ARHGAP29: variants seen among roughly 807,000 people sequenced by gnomAD.
ARHGAP29 encodes rho GTPase-activating protein 29.
ARHGAP29 carries 43 observed loss-of-function variants against 122.6 expected under a neutral mutation model. The ratio of observed to expected loss-of-function variants is 0.35; its 90% CI spans 0.27 to 0.45. The LOEUF (loss-of-function observed/expected upper bound fraction) is 0.45, where lower values mean the gene tolerates loss of function less well. ARHGAP29 is among the 20% of genes least tolerant of loss of function. ARHGAP29 has a pLI of 1.00. For missense variants in ARHGAP29, 1,303 were observed against 1,477.2 expected (o/e 0.88, Z 1.93); for synonymous variants, 506 against 497.1 (o/e 1.02, Z -0.24).
Position 94,220,140 on chromosome 1 carries a change from T to C in ARHGAP29, c.340+118A>G, listed in dbSNP as rs529257751. 8.0e-5 allele frequency: 92 copies of C among 1,148,522 alleles called. No homozygotes were observed. In the South Asian group the frequency reaches 1.1e-3, roughly 14 times the overall value. The allele number at this position is 1,148,522 out of a possible 1,614,324, so 71.1% of individuals were successfully genotyped here. ...ATATCAAAGTATATATAACTCCTTATTAACATACATCACACAAATGCAATG... is the reference window on the plus strand; with the variant it reads ...ATATCAAAGTATATATAACTCCTTACTAACATACATCACACAAATGCAATG... On this transcript the variant is annotated intron_variant, in intron 3 of 22. Transcript: ENST00000260526.
chr1:94,202,993 T>C lies in ARHGAP29; in HGVS notation c.879A>G (p.Leu293=). The part of the protein sequence containing the change: ...ALQANKFVQP[L]LGRKNEMEKQ... ...TTTCCATTTCATTTTTCCTTCCAAG[T>C]AGAGGCTGTGAAAGGTATTTAAAAT... The change falls in exon 10 of 23, where the codon CTA becomes CTG. Residue 293 remains leucine, a synonymous_variant. Coordinates refer to ENST00000260526, the MANE Select transcript of ARHGAP29 (RefSeq NM_004815.4). 2.5e-6 allele frequency: 4 copies of C among 1,608,522 alleles called. No homozygotes were observed. Among genetic ancestry groups the C allele is most frequent in the African/African-American group, 1.3e-5 (1 of 74,566 alleles).
At chr1:94,228,286 T>C (rs1178008758) in intron 2 of ARHGAP29, among the ~76,000 whole-genome samples, 1 of 151,832 alleles carries the variant, frequency 6.6e-6, no homozygotes, top group African/African-American at 2.4e-5. Context: ...TGTTTTCATA[T>C]AATTTGAAAA....
At chr1:94,245,641 C>A (rs1444766557) in intron 1 of ARHGAP29, among the ~76,000 whole-genome samples, 2 of 152,184 alleles carry the variant, frequency 1.3e-5, no homozygotes, top group African/African-American at 4.8e-5. Context: ...CATCCCTTTA[C>A]TTTCCCATAG....
At chr1:94,258,389 T>G (rs184653612) in intron 1 of ARHGAP29, among the ~76,000 whole-genome samples, 2 of 152,326 alleles carry the variant, frequency 1.3e-5, no homozygotes, top group Admixed American at 1.3e-4. Flanking sequence ...GACAATAAAT[T>G]CCAAATTTTT....
chr1:94,239,074 T>A (rs3814020), upstream of ARHGAP29, among the ~76,000 whole-genome samples: 88 of 152,080 alleles, frequency 5.8e-4, no homozygotes, highest in Non-Finnish European at 1.1e-3. Context: ...AACAAGGTCC[T>A]GCCACAAATA....
In ARHGAP29 at chr1:94,174,330, T is replaced by C; in HGVS notation, c.3325A>G (p.Thr1109Ala). 4 of 1,614,202 alleles carry C rather than the reference T, an allele frequency of 2.5e-6. No individual in the cohort carries two copies. In the South Asian group the frequency reaches 3.3e-5, roughly 13 times the overall value. Residue 1109 changes from threonine (T) to alanine (A), a missense_variant, in exon 23 of 23, where the codon ACA becomes GCA. This residue lies in a region of ARHGAP29 where 620 missense variants were observed against 651.2 expected (regional missense o/e 0.95). Transcript: ENST00000260526. ...PSALQEKGVT[T>A]SLQISGDHSI... The stretch of plus-strand genomic sequence containing the variant: ...TGGTCCCCACTAATCTGGAGGCTTG[T>C]TGTCACTCCTTTTTCCTGGAGTGCA...
the ARHGAP29 span, among the ~76,000 whole-genome samples, chr1:94,289,802 T>A: frequency 6.6e-6 from 1 of 152,256 alleles, no homozygotes; most frequent in African/African-American, 2.4e-5. Flanking sequence ...ATTTATTGAT[T>A]TGCCTATGTT....
chr1:94,286,007 C>G, the ARHGAP29 span, among the ~76,000 whole-genome samples: 2 of 151,958 alleles, frequency 1.3e-5, no homozygotes, highest in Non-Finnish European at 2.9e-5. Flanking sequence ...AAGTAATACA[C>G]TGTCTTAGTC....
At chr1:94,205,555 CA>C in intron 6 of ARHGAP29, 79 bp downstream of exon 6, 1 of 1,319,672 alleles carries the variant, frequency 7.6e-7, no homozygotes, top group Admixed American at 2.0e-5. Flanking sequence ...GGTTACTAAG[CA>C]AGAAGAGATT....
At chr1:94,190,211 C>A (rs2101436024) in intron 12 of ARHGAP29, 128 bp from the exon 13 acceptor site, 1 of 914,682 alleles carries the variant, frequency 1.1e-6, no homozygotes, top group Non-Finnish European at 1.6e-6. Context: ...GAATATCACT[C>A]TGAACATACT....
At position 94,170,495 on chromosome 1, in the gene ARHGAP29, AAC is replaced by A. The variant is rs1244339262; in HGVS notation, c.*3372_*3373del. The stretch of plus-strand genomic sequence containing the variant: ...ATGTGGTCCTGGATTGGGATGCTGA[AAC>A]ACAGGAACATTACTGAGGCAATCAA... On this transcript the variant is annotated 3_prime_UTR_variant, in exon 23 of 23. Transcript: ENST00000260526. Among the ~76,000 whole-genome samples the A allele has an allele frequency of 9.2e-5, 14 of 152,202 alleles. No individual in the cohort carries two copies. The highest frequency in any genetic ancestry group is 3.1e-4 in the African/African-American group (13 of 41,436).
At chr1:94,272,581 A>G (rs1348494304) in intron 1 of ARHGAP29, among the ~76,000 whole-genome samples, 1 of 152,220 alleles carries the variant, frequency 6.6e-6, no homozygotes, top group Non-Finnish European at 1.5e-5. Flanking sequence ...GGGAAGTACT[A>G]CAGCTGGGTC....
intron 12 of ARHGAP29, chr1:94,194,405 GTAC>G (rs1240107038): frequency 3.9e-5 from 6 of 151,948 alleles, no homozygotes; most frequent in Admixed American, 1.3e-4. Context: ...ATCCATATAT[GTAC>G]TACTACATCT....
the ARHGAP29 span, among the ~76,000 whole-genome samples, chr1:94,291,081 G>A: frequency 6.6e-6 from 1 of 152,152 alleles, no homozygotes; most frequent in East Asian, 1.9e-4. Context: ...CTAAGGACTT[G>A]CTTTATGAAT....
In ARHGAP29 at chr1:94,174,056, C is replaced by T; in HGVS notation, c.3599G>A (p.Gly1200Asp). The change falls in exon 23 of 23, where the codon GGT becomes GAT. Residue 1200 changes from glycine to aspartate, a missense_variant. By Grantham distance (94) the Gly-to-Asp change is moderately conservative. Transcript: ENST00000260526. ...GTCTGGCATTGACTTCACCACGAGA[C>T]CGTGGGGATCGTGATCTGTGCCAGG... ...VPPGTDHDPHGLVVKSMPDPD... is the reference protein window; with the variant it reads ...VPPGTDHDPHDLVVKSMPDPD... 6 of 1,614,212 alleles carry T rather than the reference C, an allele frequency of 3.7e-6. No homozygotes were observed. Among genetic ancestry groups the T allele is most frequent in the Non-Finnish European group, 5.1e-6 (6 of 1,180,034 alleles).
chr1:94,228,662 TG>T lies in ARHGAP29; in HGVS notation c.205+2744del, dbSNP rs1652754951. 2.0e-5 allele frequency among the ~76,000 whole-genome samples: 3 copies of T among 151,740 alleles called. 1 individual carries two copies. The highest frequency in any genetic ancestry group is 1.3e-4 in the Admixed American group (2 of 15,238). ...GGTACCTGCCTTTGAGGGGCCTGGG[TG>T]ATTAAACTTGTTTGTATGACAAAGT... is the stretch of plus-strand genomic sequence containing the variant. On this transcript the variant is annotated intron_variant, in intron 2 of 22. Transcript: ENST00000260526.
upstream of ARHGAP29, among the ~76,000 whole-genome samples, chr1:94,242,568 A>T (rs545976168): frequency 6.6e-6 from 1 of 151,686 alleles, no homozygotes; most frequent in Non-Finnish European, 1.5e-5. Context: ...ATCTCCAGAG[A>T]TAAAGTTAAT....
the ARHGAP29 span, among the ~76,000 whole-genome samples, chr1:94,314,551 T>C: frequency 6.6e-6 from 1 of 152,196 alleles, no homozygotes; most frequent in Non-Finnish European, 1.5e-5. Context: ...GACCAAGTCC[T>C]CCACCCATTC....
At chr1:94,228,801 A>G (rs1230921142) in intron 2 of ARHGAP29, among the ~76,000 whole-genome samples, 1 of 151,854 alleles carries the variant, frequency 6.6e-6, no homozygotes, top group Non-Finnish European at 1.5e-5. Context: ...GACTAGCCTC[A>G]ACCTATGATT....
Sources: gnomAD v4.1 joint callset for allele counts (sites outside exome capture counted in the v4.1 genomes callset) on GRCh38, gnomAD v4.1.1 for gene constraint, gnomAD v4.1.1 regional missense constraint, MANE v1.5 for transcripts, NCBI Gene and HGNC (gene_info 2026-07-23, HGNC 2026-07-21) for gene names.